Variants in NEB observed in about 807,000 individuals in gnomAD.
NEB encodes the protein nebulin, also known as nemaline myopathy type 2.
Under a neutral mutation model 952.2 loss-of-function variants are expected in NEB, and 512 were observed. The ratio of observed to expected loss-of-function variants is 0.54; its 90% CI spans 0.50 to 0.58. The LOEUF is 0.58. Ranked by LOEUF, NEB falls within the 20% of genes least tolerant of loss-of-function variation. The pLI is 0.00. For synonymous variants in NEB, 2,900 were observed against 3,149.8 expected (o/e 0.92, Z 2.66); for missense variants, 8,428 against 9,231.1 (o/e 0.91, Z 3.56).
intron 5 of NEB, among the ~76,000 whole-genome samples, chr2:151,726,815 C>G (rs148910941): frequency 4.6e-5 from 7 of 152,128 alleles, no homozygotes; most frequent in Middle Eastern, 3.4e-3. Flanking sequence ...CACCTGTGGC[C>G]AGGAGTTTAC....
At chr2:151,638,807 C>G (rs200822815) in intron 63 of NEB, among the ~76,000 whole-genome samples, 16 of 147,956 alleles carry the variant, frequency 1.1e-4, no homozygotes, top group African/African-American at 2.7e-4. Flanking sequence ...TTCTCTCTCT[C>G]TGTGTGTGTG....
intron 13 of NEB, among the ~76,000 whole-genome samples, chr2:151,702,543 G>C (rs921175995): frequency 2.6e-5 from 4 of 151,782 alleles, no homozygotes; most frequent in Non-Finnish European, 4.4e-5. Context: ...TATGAATCTG[G>C]GTGTTCCTGT....
At chr2:151,574,131 C>T (rs2096747300) in intron 107 of NEB, among the ~76,000 whole-genome samples, 1 of 152,178 alleles carries the variant, frequency 6.6e-6, no homozygotes, top group Non-Finnish European at 1.5e-5. Context: ...CCCACCACCA[C>T]GCCCAGCTAA....
rs11305294 is a variant in NEB, at chr2:151,689,197, CTTTTTTTTTTTTT to C, written c.2311-814_2311-802del. ...TAGCACAGTTAAAAAGATATATACT[CTTTTTTTTTTTTT>C]TTTTTTTTTTTTGAGACCGTGTCTG... On this transcript the variant is annotated intron_variant, in intron 24 of 181. Coordinates refer to ENST00000397345, the MANE Select transcript of NEB (RefSeq NM_001164508.2). The C allele has an allele frequency of 1.6e-4, 9 of 57,894 alleles. 1 individual carries two copies. The highest frequency in any genetic ancestry group is 5.9e-4 in the Admixed American group (2 of 3,380). 3.6% of individuals were successfully genotyped at this position (57,894 alleles called of 1,614,324 possible).
At position 151,567,457 on chromosome 2, in the gene NEB, ACATGTT is replaced by A. The variant is rs1290837308; in HGVS notation, c.17861_17866del (p.Glu5954_His5955del). Reference sequence around the variant, plus strand: ...ACCAACATAATGACCTTTTTGCTTCACATGTTCAGCTTTGTATTTCAGCTGGCGAGA... The same window carrying A: ...ACCAACATAATGACCTTTTTGCTTCACAGCTTTGTATTTCAGCTGGCGAGA... On this transcript the variant is annotated inframe_deletion, in exon 114 of 182. Transcript: ENST00000397345. 6.2e-7 allele frequency: 1 copy of A among 1,611,702 alleles called. No individual in the cohort carries two copies. Among genetic ancestry groups the A allele is most frequent in the South Asian group, 1.1e-5 (1 of 90,730 alleles).
chr2:151,531,308 C>CTTTCT lies in NEB; in HGVS notation c.21523-208_21523-207insAGAAA, dbSNP rs1428568034. Among the ~76,000 whole-genome samples, 9 of 84,032 alleles carry CTTTCT rather than the reference C, an allele frequency of 1.1e-4. 1 individual carries two copies. The East Asian group carries it at 2.7e-3, about 25-fold the overall frequency. The allele number at this position is 84,032 out of a possible 152,430, so 55.1% of individuals were successfully genotyped here. ...TCACAACAACTCTCTTTTTTTCTTTCTTTTTTTTTTTTTTTTTTTTTTTTT... is the reference window on the plus strand; with the variant it reads ...TCACAACAACTCTCTTTTTTTCTTTCTTTCTTTTTTTTTTTTTTTTTTTTTTTTTT... On this transcript the variant is annotated intron_variant, in intron 144 of 181. Coordinates refer to ENST00000397345, the MANE Select transcript of NEB (RefSeq NM_001164508.2).
intron 74 of NEB, 49 bp downstream of exon 74, chr2:151,618,226 T>C (rs751062424): frequency 9.3e-6 from 14 of 1,505,130 alleles, no homozygotes; most frequent in South Asian, 1.2e-5. Context: ...AATTTTTAAA[T>C]TGTTCTGTGG....
chr2:151,526,722 G>A (rs138947072), intron 148 of NEB, among the ~76,000 whole-genome samples, 196 bp downstream of exon 148: 221 of 152,290 alleles, frequency 1.5e-3, no homozygotes, highest in African/African-American at 4.9e-3. Context: ...CTGTCACCTG[G>A]ATCTAATGGC....
rs2099344199 is a variant in NEB at position 151,674,569 on chromosome 2, C to G, written c.3895G>C (p.Asp1299His). The change falls in exon 36 of 182, where the codon GAT (aspartate) becomes CAT (histidine). Residue 1299 changes from aspartate to histidine, a missense_variant. Coordinates refer to ENST00000397345, the MANE Select transcript of NEB (RefSeq NM_001164508.2). ...YNISDVCYKR[D>H]WYDLIAKGNN... The stretch of plus-strand genomic sequence containing the variant: ...CCCTTGGCTATTAAGTCATACCAAT[C>G]CCGTTTATAACAGACCTGGACAGAA... 1 of 1,611,622 alleles carries G rather than the reference C, an allele frequency of 6.2e-7. No individual in the cohort carries two copies. The highest frequency in any genetic ancestry group is 8.5e-7 in the Non-Finnish European group (1 of 1,177,898).
At chr2:151,499,468 G>T (rs1027270538) in intron 168 of NEB, 78 bp from the exon 169 acceptor site, 1 of 753,590 alleles carries the variant, frequency 1.3e-6, no homozygotes, top group Non-Finnish European at 2.3e-6. Flanking sequence ...GGGGAACCTG[G>T]TATAAAACTA....
intron 4 of NEB, among the ~76,000 whole-genome samples, chr2:151,728,954 A>G (rs954235731): frequency 6.6e-6 from 1 of 152,174 alleles, no homozygotes; most frequent in African/African-American, 2.4e-5. Context: ...GTTTTTATGC[A>G]GTCACAGGCT....
In NEB at chr2:151,551,148, T is replaced by C. The variant is rs546424421; in HGVS notation, c.19944+590A>G. ...ATATCTGGCTAATTTTTTGTATTTT[T>C]AGTAGAGATGGGGTTTCACCATGTT... On this transcript the variant is annotated intron_variant, in intron 129 of 181. Coordinates refer to ENST00000397345, the MANE Select transcript of NEB (RefSeq NM_001164508.2). 4.4e-4 allele frequency among the ~76,000 whole-genome samples: 67 copies of C among 152,060 alleles called. 1 individual carries two copies. The South Asian group carries it at 0.013, about 30-fold the overall frequency.
intron 92 of NEB, among the ~76,000 whole-genome samples, chr2:151,594,546 A>G (rs568850372): frequency 1.0e-4 from 15 of 150,302 alleles, no homozygotes; most frequent in African/African-American, 3.7e-4. Context: ...GGTGAACAAG[A>G]GTAATGAAAA....
intron 131 of NEB, among the ~76,000 whole-genome samples, chr2:151,548,034 A>G (rs1004016261): frequency 6.6e-6 from 1 of 152,206 alleles, no homozygotes; most frequent in Non-Finnish European, 1.5e-5. Context: ...CAACCTTATT[A>G]AAGATTTTTG....
At chr2:151,541,419 T>G in intron 136 of NEB, 28 bp downstream of exon 136, 1 of 1,557,030 alleles carries the variant, frequency 6.4e-7, no homozygotes, top group Non-Finnish European at 8.8e-7. Context: ...GATGCCTGAG[T>G]GGCAGGCTTA....
At position 151,610,519 on chromosome 2, in the gene NEB, A is replaced by T; in HGVS notation, c.12015T>A (p.Ser4005Arg). The T allele has an allele frequency of 6.2e-7, 1 of 1,604,536 alleles. No individual in the cohort carries two copies. Among genetic ancestry groups the T allele is most frequent in the Non-Finnish European group, 8.5e-7 (1 of 1,171,354 alleles). Residue 4005 changes from serine to arginine, a missense_variant, in exon 80 of 182, where the codon AGT becomes AGA. Around this residue, in one of 11 missense-constraint regions of NEB, gnomAD observed 337 missense variants for 297.5 expected, o/e 1.13. Transcript: ENST00000397345. The stretch of plus-strand genomic sequence containing the variant: ...GAGTTAGATGGAAGGTACTCACGTC[A>T]CTGGCGATGTCCCTGGAGGCCTTGG... The part of the protein sequence containing the change: ...KSAKASRDIA[S>R]DYKYKEAYEK...
intron 124 of NEB, among the ~76,000 whole-genome samples, chr2:151,558,447 A>G (rs2095808665): frequency 6.6e-6 from 1 of 152,204 alleles, no homozygotes; most frequent in African/African-American, 2.4e-5. Flanking sequence ...TGCCCAAGGT[A>G]ATCTATAGAT....
At position 151,502,816 on chromosome 2, in the gene NEB, G is replaced by A. The variant is rs201419564; in HGVS notation, c.23905C>T (p.Arg7969Cys). 9.5e-5 allele frequency: 153 copies of A among 1,604,574 alleles called. No homozygotes were observed. The African/African-American group carries it at 9.6e-4, about 10-fold the overall frequency. ...PITPEMERVK[R>C]NQENFSSILY... is the part of the protein sequence containing the mutation. The stretch of plus-strand genomic sequence containing the variant: ...ACCGAGCTAAAGTTCTCTTGATTGC[G>A]TTTGACTCTCTCCATCTCTGGAGTG... Residue 7969 changes from arginine to cysteine, a missense_variant, in exon 167 of 182, where the codon CGC (arginine) becomes TGC (cysteine). Around this residue, in one of 11 missense-constraint regions of NEB, gnomAD observed 3,374 missense variants for 3,651.5 expected, o/e 0.92. Transcript: ENST00000397345.
chr2:151,544,177 C>A (rs917250740), intron 135 of NEB, among the ~76,000 whole-genome samples: 1 of 152,138 alleles, frequency 6.6e-6, no homozygotes, highest in Non-Finnish European at 1.5e-5. Flanking sequence ...ATTCTTCTTC[C>A]TCAGTGCTGA....
Sources: gnomAD v4.1 joint callset for allele counts (sites outside exome capture counted in the v4.1 genomes callset) on GRCh38, gnomAD v4.1.1 for gene constraint, gnomAD v4.1.1 regional missense constraint, MANE v1.5 for transcripts, NCBI Gene and HGNC (gene_info 2026-07-23, HGNC 2026-07-21) for gene names.